Variants in PLSCR2 observed in about 807,000 individuals in gnomAD.
The protein encoded by PLSCR2 is phospholipid scramblase 2.
A neutral mutation model predicts 25.3 loss-of-function variants in PLSCR2; 18 were observed. The ratio of observed to expected loss-of-function variants is 0.71; its 90% CI spans 0.49 to 1.06. PLSCR2 has a LOEUF of 1.06. Ranked by LOEUF, PLSCR2 falls within the 50% of genes least tolerant of loss-of-function variation. The probability of loss-of-function intolerance (pLI) is 0.00; values close to 1 mark genes in which losing one functional copy is unlikely to be tolerated. For synonymous variants in PLSCR2, 88 were observed against 87.3 expected (o/e 1.01, Z -0.04); for missense variants, 243 against 269.5 (o/e 0.90, Z 0.69).
At chr3:146,429,622 T>A (rs1038052209), downstream of PLSCR2, among the ~76,000 whole-genome samples, 7 of 149,972 alleles carry the variant, frequency 4.7e-5, no homozygotes, top group African/African-American at 1.7e-4. Flanking sequence ...AAAATTGGAA[T>A]TTATTTATTT....
At chr3:146,395,577 C>G (rs75024093) in intron 3 of PLSCR2, among the ~76,000 whole-genome samples, 20 of 152,288 alleles carry the variant, frequency 1.3e-4, no homozygotes, top group African/African-American at 4.8e-4. Context: ...TTCTAGGACA[C>G]TCTAATTTTT....
chr3:146,403,017 C>T (rs947691692), intron 2 of PLSCR2, among the ~76,000 whole-genome samples: 1 of 152,012 alleles, frequency 6.6e-6, no homozygotes, highest in East Asian at 1.9e-4. Flanking sequence ...TTTTAAAAAG[C>T]AAATGGGAGT....
chr3:146,480,558 T>A (rs2043093724), intron 1 of PLSCR2, among the ~76,000 whole-genome samples: 1 of 152,304 alleles, frequency 6.6e-6, no homozygotes, highest in South Asian at 2.1e-4. Context: ...AATCTCTGAA[T>A]AGACCAATAA....
At chr3:146,438,651 T>G (rs2040038033), downstream of PLSCR2, among the ~76,000 whole-genome samples, 1 of 152,178 alleles carries the variant, frequency 6.6e-6, no homozygotes, top group South Asian at 2.1e-4. Context: ...ATCCCTTTAT[T>G]TTGAGCCTAT....
intron 2 of PLSCR2, among the ~76,000 whole-genome samples, chr3:146,411,305 G>A (rs1005199219): frequency 1.3e-5 from 2 of 152,118 alleles, no homozygotes; most frequent in South Asian, 2.1e-4. Context: ...AACCTCTAGC[G>A]TCCTAGAGTA....
At chr3:146,481,644 G>A (rs1446538614) in intron 1 of PLSCR2, among the ~76,000 whole-genome samples, 1 of 152,130 alleles carries the variant, frequency 6.6e-6, no homozygotes, top group Non-Finnish European at 1.5e-5. Context: ...TGTGAAAATG[G>A]CCATACTGCC....
intron 1 of PLSCR2, among the ~76,000 whole-genome samples, chr3:146,465,832 T>C (rs1469689860): frequency 1.3e-5 from 2 of 152,230 alleles, no homozygotes; most frequent in African/African-American, 2.4e-5. Flanking sequence ...TTCAGTTACA[T>C]GATATGTAAA....
intron 1 of PLSCR2, chr3:146,494,840 C>T (rs1321968952): frequency 3.3e-5 from 5 of 152,106 alleles, no homozygotes; most frequent in Admixed American, 1.3e-4. Flanking sequence ...TCAGACTTTC[C>T]ATCATGAGGT....
chr3:146,460,261 C>G, exon 1 of PLSCR2: 1 of 1,356,248 alleles, frequency 7.4e-7, no homozygotes, highest in Non-Finnish European at 9.5e-7. Flanking sequence ...GTTTCACATT[C>G]ACTTCTATTT....
chr3:146,482,942 G>A (rs1440903878), intron 1 of PLSCR2, among the ~76,000 whole-genome samples: 4 of 152,038 alleles, frequency 2.6e-5, no homozygotes. Flanking sequence ...GGATGAAGCT[G>A]GAAACCATCA....
chr3:146,410,394 C>T (rs559006840), intron 2 of PLSCR2, among the ~76,000 whole-genome samples: 30 of 152,258 alleles, frequency 2.0e-4, no homozygotes, highest in South Asian at 4.1e-4. Context: ...AACCTACCAC[C>T]GGTTTAGTTT....
At chr3:146,462,004 A>G (rs75390922), upstream of PLSCR2, 542 of 860,650 alleles carry the variant, frequency 6.3e-4, 4 homozygotes, top group African/African-American at 7.6e-3. Context: ...ATTTAGTATT[A>G]TAGGGAGGAA....
chr3:146,427,881 T>A (rs1470390466), intron 2 of PLSCR2, among the ~76,000 whole-genome samples: 1 of 152,206 alleles, frequency 6.6e-6, no homozygotes, highest in East Asian at 1.9e-4. Flanking sequence ...TATCTTTGTA[T>A]GTATTTATTA....
intron 8 of PLSCR2, among the ~76,000 whole-genome samples, chr3:146,434,984 A>T (rs2039753831): frequency 7.6e-6 from 1 of 132,086 alleles, no homozygotes. Context: ...AAGTGTTCTC[A>T]TTATTCAATT....
intron 1 of PLSCR2, among the ~76,000 whole-genome samples, chr3:146,493,177 C>T (rs759558161): frequency 3.3e-5 from 5 of 151,992 alleles, no homozygotes; most frequent in African/African-American, 4.8e-5. Context: ...AACCTACCAA[C>T]AAGAAAAAGC....
chr3:146,417,693 A>G (rs2039036734), intron 2 of PLSCR2, among the ~76,000 whole-genome samples: 1 of 152,226 alleles, frequency 6.6e-6, no homozygotes, highest in Non-Finnish European at 1.5e-5. Flanking sequence ...GACTTTAGTT[A>G]GCAACATGTA....
chr3:146,481,866 T>C (rs77230754), intron 1 of PLSCR2, among the ~76,000 whole-genome samples: 4,222 of 152,260 alleles, frequency 0.028, 218 homozygotes, highest in African/African-American at 0.096. Flanking sequence ...AGCATGCTAC[T>C]GGTATAAAAA....
intron 6 of PLSCR2, among the ~76,000 whole-genome samples, chr3:146,447,117 T>C (rs2040599592): frequency 6.6e-6 from 1 of 152,142 alleles, no homozygotes; most frequent in South Asian, 2.1e-4. Context: ...CCAGCACAGG[T>C]CCATAAATGC....
intron 1 of PLSCR2, among the ~76,000 whole-genome samples, chr3:146,491,732 C>T (rs918294718): frequency 5.3e-5 from 8 of 152,076 alleles, no homozygotes; most frequent in Non-Finnish European, 1.5e-5. Context: ...GACTATGCCA[C>T]TTTTCAACTC....
Sources: gnomAD v4.1 joint callset for allele counts (sites outside exome capture counted in the v4.1 genomes callset) on GRCh38, gnomAD v4.1.1 for gene constraint, MANE v1.5 for transcripts, NCBI Gene and HGNC (gene_info 2026-07-23, HGNC 2026-07-21) for gene names.